Variants in MATN2 observed in about 807,000 individuals in gnomAD.
MATN2 encodes matrilin-2.
MATN2 carries 69 observed loss-of-function variants against 103.2 expected under a neutral mutation model. The ratio of observed to expected loss-of-function variants is 0.67; its 90% CI spans 0.55 to 0.82. The LOEUF (loss-of-function observed/expected upper bound fraction) is 0.82. MATN2 is among the 40% of genes least tolerant of loss of function. The probability of loss-of-function intolerance (pLI) is 0.00; values close to 1 mark genes in which losing one functional copy is unlikely to be tolerated. For synonymous variants in MATN2, 429 were observed against 450.2 expected (o/e 0.95, Z 0.60); for missense variants, 1,023 against 1,211.5 (o/e 0.84, Z 2.31).
intron 7 of MATN2, among the ~76,000 whole-genome samples, chr8:97,996,721 C>T (rs1008726680): frequency 2.6e-5 from 4 of 152,088 alleles, no homozygotes; most frequent in East Asian, 1.9e-4. Flanking sequence ...TAAACGGAAG[C>T]GAGTGCTCAC....
intron 16 of MATN2, among the ~76,000 whole-genome samples, chr8:98,032,656 C>A (rs971421885): frequency 6.6e-6 from 1 of 152,004 alleles, no homozygotes; most frequent in South Asian, 2.1e-4. Context: ...CCCAGCCTCC[C>A]GAGTAGCTGG....
chr8:97,892,689 A>G (rs920512091), intron 2 of MATN2, among the ~76,000 whole-genome samples: 5 of 152,376 alleles, frequency 3.3e-5, no homozygotes, highest in African/African-American at 1.2e-4. Flanking sequence ...TTGCAATGTG[A>G]AATCTAAAAT....
At chr8:98,028,349 G>A (rs1389554435) in intron 14 of MATN2, among the ~76,000 whole-genome samples, 1 of 152,142 alleles carries the variant, frequency 6.6e-6, no homozygotes, top group Non-Finnish European at 1.5e-5. Flanking sequence ...AAAATCAAAT[G>A]ATGGAACAGA....
intron 5 of MATN2, among the ~76,000 whole-genome samples, chr8:97,965,949 A>G (rs1482263603): frequency 3.3e-5 from 5 of 152,114 alleles, no homozygotes; most frequent in Non-Finnish European, 4.4e-5. Context: ...GCACCATTGC[A>G]CTCCAGCCTG....
chr8:97,927,351 G>A (rs947026086), intron 2 of MATN2, among the ~76,000 whole-genome samples: 16 of 151,760 alleles, frequency 1.1e-4, no homozygotes, highest in Admixed American at 1.3e-4. Flanking sequence ...GTAGAGATGG[G>A]GTTTCTCCAT....
intron 2 of MATN2, among the ~76,000 whole-genome samples, chr8:97,911,208 C>T (rs1809418773): frequency 6.6e-6 from 1 of 151,490 alleles, no homozygotes; most frequent in Non-Finnish European, 1.5e-5. Context: ...GGCCAGGCTG[C>T]TCTCGAACTC....
chr8:97,909,063 C>G (rs1819276531), intron 2 of MATN2, among the ~76,000 whole-genome samples: 1 of 152,198 alleles, frequency 6.6e-6, no homozygotes, highest in Non-Finnish European at 1.5e-5. Flanking sequence ...CTCAGCCTCC[C>G]AAGTAGCTGG....
intron 2 of MATN2, among the ~76,000 whole-genome samples, chr8:97,911,736 T>A (rs1406877219): frequency 1.3e-5 from 2 of 152,028 alleles, no homozygotes; most frequent in Non-Finnish European, 2.9e-5. Context: ...AATAAAGTTA[T>A]GCGGCCAGTG....
chr8:97,871,124 T>C (rs755933840), intron 1 of MATN2, among the ~76,000 whole-genome samples: 1 of 152,170 alleles, frequency 6.6e-6, no homozygotes, highest in African/African-American at 2.4e-5. Context: ...CCTAAGCTCT[T>C]ATCAGCGAGT....
chr8:97,961,357 C>A lies in MATN2; in HGVS notation c.836-51C>A. On this transcript the variant is annotated intron_variant, in intron 4 of 18. Transcript: ENST00000254898. ...CTGTTGCCTCACCCTGGGCTGGGAG[C>A]ATTCTCAGGTGTGCCTGACGTTGTG... The A allele has an allele frequency of 2.0e-6, 3 of 1,534,818 alleles. No homozygotes were observed. In the East Asian group the frequency reaches 7.2e-5, roughly 37 times the overall value.
At chr8:97,869,397 C>G (rs1817816980) in intron 1 of MATN2, 110 bp downstream of exon 1, 1 of 152,048 alleles carries the variant, frequency 6.6e-6, no homozygotes, top group Non-Finnish European at 1.5e-5. Context: ...CGCGCAGGCG[C>G]CCTCCCCAGG....
intron 4 of MATN2, 112 bp downstream of exon 4, chr8:97,942,011 C>A: frequency 7.5e-7 from 1 of 1,336,532 alleles, no homozygotes; most frequent in Non-Finnish European, 1.0e-6. Context: ...CCCCAGTTAT[C>A]ATCCCTTGGG....
At chr8:97,951,087 T>C (rs984665181) in intron 4 of MATN2, 11 of 152,194 alleles carry the variant, frequency 7.2e-5, no homozygotes, top group Non-Finnish European at 1.6e-4. Context: ...TGACAATCAA[T>C]GGCAGCCACC....
intron 1 of MATN2, among the ~76,000 whole-genome samples, chr8:97,886,572 A>G (rs1586376747): frequency 6.6e-6 from 1 of 152,364 alleles, no homozygotes; most frequent in Admixed American, 6.5e-5. Context: ...TTTTAATATA[A>G]TCTTAATGCA....
chr8:97,966,820 C>G (rs1403361420), intron 5 of MATN2, among the ~76,000 whole-genome samples: 1 of 152,070 alleles, frequency 6.6e-6, no homozygotes, highest in African/African-American at 2.4e-5. Context: ...ACAGTGCTAC[C>G]TGAGCTGAAA....
rs190556614 is a variant in MATN2, at chr8:97,909,835, G to A, written c.143-21118G>A. Among the ~76,000 whole-genome samples the A allele has an allele frequency of 1.1e-4, 16 of 151,970 alleles. No individual in the cohort carries two copies. In the East Asian group the frequency reaches 2.9e-3, roughly 28 times the overall value. ...GTCTCGCTCTGTCGCCCCGGCTGGA[G>A]TACAGTGGCGTGATCTTGGCTCACT... On this transcript the variant is annotated intron_variant, in intron 2 of 18. Transcript: ENST00000254898.
intron 2 of MATN2, 38 bp from the exon 3 acceptor site, chr8:97,930,915 C>A: frequency 2.0e-6 from 3 of 1,470,656 alleles, no homozygotes; most frequent in Non-Finnish European, 2.8e-6. Flanking sequence ...CACACCTGGC[C>A]TCTCTTCTAA....
intron 2 of MATN2, among the ~76,000 whole-genome samples, chr8:97,892,575 G>A (rs192037300): frequency 6.6e-6 from 1 of 152,294 alleles, no homozygotes; most frequent in East Asian, 1.9e-4. Context: ...GCATGGATAT[G>A]TAGTTGGAAA....
chr8:97,897,417 T>G (rs1352914159), intron 2 of MATN2, among the ~76,000 whole-genome samples: 1 of 152,206 alleles, frequency 6.6e-6, no homozygotes, highest in Admixed American at 6.5e-5. Flanking sequence ...CTGCTAGCAT[T>G]GTCCAGCCTT....
Sources: gnomAD v4.1 joint callset for allele counts (sites outside exome capture counted in the v4.1 genomes callset) on GRCh38, gnomAD v4.1.1 for gene constraint, MANE v1.5 for transcripts, NCBI Gene and HGNC (gene_info 2026-07-23, HGNC 2026-07-21) for gene names.